Variants in HYCC2 observed in about 807,000 individuals in gnomAD.
The protein encoded by HYCC2 is hyccin PI4KA lipid kinase complex subunit 2.
At chr2:201,044,067 C>A in the HYCC2 span, among the ~76,000 whole-genome samples, 1 of 152,142 alleles carries the variant, frequency 6.6e-6, no homozygotes, top group Admixed American at 6.5e-5. Context: ...TTCTGAAGAT[C>A]ATTTCTCCTA....
the HYCC2 span, among the ~76,000 whole-genome samples, chr2:201,059,949 G>C: frequency 2.0e-5 from 3 of 151,432 alleles, no homozygotes; most frequent in Non-Finnish European, 4.4e-5. Flanking sequence ...GGAGGCTGAG[G>C]TGGAGAATCA....
the HYCC2 span, among the ~76,000 whole-genome samples, chr2:201,067,719 A>G: frequency 2.0e-5 from 3 of 152,338 alleles, no homozygotes; most frequent in Admixed American, 6.5e-5. Flanking sequence ...ATTAATGCAT[A>G]TATTCATCAT....
chr2:201,038,574 T>C, the HYCC2 span, among the ~76,000 whole-genome samples: 2 of 152,098 alleles, frequency 1.3e-5, no homozygotes, highest in Admixed American at 1.3e-4. Flanking sequence ...TAAAAAAGGA[T>C]GAGTTCATGT....
the HYCC2 span, among the ~76,000 whole-genome samples, chr2:201,050,778 T>C: frequency 6.6e-6 from 1 of 151,498 alleles, no homozygotes; most frequent in African/African-American, 2.4e-5. Flanking sequence ...CTACTAAAAA[T>C]ATAAAAATTA....
chr2:200,973,735 T>C, the HYCC2 span: 2 of 152,124 alleles, frequency 1.3e-5, no homozygotes, highest in South Asian at 2.1e-4. Flanking sequence ...AAAAGCCAAA[T>C]AGAGCTGTAT....
the HYCC2 span, among the ~76,000 whole-genome samples, chr2:201,015,551 A>G: frequency 6.6e-6 from 1 of 152,192 alleles, no homozygotes; most frequent in African/African-American, 2.4e-5. Flanking sequence ...CCTTTAACAT[A>G]TAAGAAGTGG....
chr2:201,022,596 A>G, the HYCC2 span: 1 of 334,092 alleles, frequency 3.0e-6, no homozygotes, highest in Non-Finnish European at 5.4e-6. Flanking sequence ...GATGGTCAAT[A>G]AAATTAACAA....
At chr2:201,015,532 T>C in the HYCC2 span, among the ~76,000 whole-genome samples, 5 of 152,346 alleles carry the variant, frequency 3.3e-5, no homozygotes, top group African/African-American at 9.6e-5. Context: ...TTCTCAATTA[T>C]GTATATAGCC....
chr2:201,070,380 C>T, the HYCC2 span, among the ~76,000 whole-genome samples: 8 of 152,240 alleles, frequency 5.3e-5, no homozygotes, highest in African/African-American at 1.9e-4. Context: ...CTGCCGGGCA[C>T]GGTGGCTCAC....
At chr2:200,992,407 T>C in the HYCC2 span, 1 of 1,314,544 alleles carries the variant, frequency 7.6e-7, no homozygotes, top group Non-Finnish European at 1.1e-6. Context: ...TGAGCAAATA[T>C]CTAATCTTCA....
At chr2:200,979,562 C>T in the HYCC2 span, 1 of 150,564 alleles carries the variant, frequency 6.6e-6, no homozygotes, top group South Asian at 2.1e-4. Flanking sequence ...GGTTATTTAT[C>T]AAAATCTATT....
chr2:201,069,543 AAC>A, the HYCC2 span, among the ~76,000 whole-genome samples: 9,807 of 143,448 alleles, frequency 0.068, 382 homozygotes, highest in East Asian at 0.12. Context: ...CATAAGAAGA[AAC>A]ACACACACAC....
chr2:201,008,936 C>G, the HYCC2 span: 2 of 1,191,022 alleles, frequency 1.7e-6, no homozygotes, highest in Non-Finnish European at 2.5e-6. Flanking sequence ...TGCATACATA[C>G]ATACAAGTTG....
the HYCC2 span, among the ~76,000 whole-genome samples, chr2:201,047,814 G>C: frequency 8.8e-6 from 1 of 113,836 alleles, no homozygotes; most frequent in South Asian, 2.7e-4. Context: ...GGGCCAAAGA[G>C]AAAATAACTG....
At chr2:201,053,126 A>T in the HYCC2 span, among the ~76,000 whole-genome samples, 125 of 146,734 alleles carry the variant, frequency 8.5e-4, no homozygotes, top group African/African-American at 2.1e-3. Flanking sequence ...AAATCTTAAA[A>T]TTTTTTTTTT....
At chr2:200,981,413 C>G in the HYCC2 span, 1 of 1,614,162 alleles carries the variant, frequency 6.2e-7, no homozygotes, top group East Asian at 2.2e-5. The surrounding 1 kb of genome is among the most constrained non-coding windows in gnomAD (Gnocchi z 4.5). Context: ...TATCGATTAG[C>G]ATTGTTGGCT....
chr2:201,048,581 T>G, the HYCC2 span, among the ~76,000 whole-genome samples: 1 of 151,838 alleles, frequency 6.6e-6, no homozygotes, highest in African/African-American at 2.4e-5. Flanking sequence ...ACAATTCTTC[T>G]GCTTCCAGTA....
At chr2:200,996,676 G>A in the HYCC2 span, 1 of 152,276 alleles carries the variant, frequency 6.6e-6, no homozygotes, top group East Asian at 1.9e-4. Flanking sequence ...TATAATCCAT[G>A]AGATACAGAA....
the HYCC2 span, among the ~76,000 whole-genome samples, chr2:201,052,775 A>G: frequency 6.6e-6 from 1 of 152,190 alleles, no homozygotes; most frequent in Admixed American, 6.5e-5. Context: ...TCTCTGAGTT[A>G]AGGAGGCAGA....
Sources: gnomAD v4.1 joint callset for allele counts (sites outside exome capture counted in the v4.1 genomes callset) on GRCh38, gnomAD v4.1.1 for gene constraint, Gnocchi (gnomAD v3.1) non-coding constraint, MANE v1.5 for transcripts, NCBI Gene and HGNC (gene_info 2026-07-23, HGNC 2026-07-21) for gene names.